TNR: variants seen among roughly 807,000 people sequenced by gnomAD.
TNR encodes the protein tenascin-R.
TNR carries 45 observed loss-of-function variants against 150.4 expected under a neutral mutation model. That is an observed-to-expected ratio of 0.30 (90% CI 0.24 to 0.38). The LOEUF is 0.38. TNR is among the 10% of genes least tolerant of loss of function. TNR has a pLI of 1.00. For missense variants in TNR, 1,544 were observed against 1,759.1 expected, an observed-to-expected ratio of 0.88 and a Z score of 2.19; for synonymous variants, 687 against 678.4, an observed-to-expected ratio of 1.01 and a Z score of -0.20.
intron 2 of TNR, among the ~76,000 whole-genome samples, chr1:175,518,980 C>G (rs1659525121): frequency 6.6e-6 from 1 of 152,158 alleles, no homozygotes. Flanking sequence ...ACATGTAGTC[C>G]AACATCTCCA....
intron 1 of TNR, among the ~76,000 whole-genome samples, chr1:175,610,539 A>G (rs1302256885): frequency 1.3e-5 from 2 of 152,198 alleles, no homozygotes; most frequent in Non-Finnish European, 2.9e-5. Context: ...CCTCCTGGGA[A>G]GCAGCTGGCC....
chr1:175,368,711 AGGCCAAGGCGGGT>A (rs1464914961), intron 9 of TNR, among the ~76,000 whole-genome samples: 1 of 152,210 alleles, frequency 6.6e-6, no homozygotes, highest in Non-Finnish European at 1.5e-5. Flanking sequence ...ACACTTTGGG[AGGCCAAGGCGGGT>A]GGATCATCTG....
intron 1 of TNR, among the ~76,000 whole-genome samples, chr1:175,532,711 T>G (rs930439384): frequency 6.6e-6 from 1 of 152,158 alleles, no homozygotes; most frequent in Admixed American, 6.5e-5. Flanking sequence ...GTCAAGATGT[T>G]GAAGGTTGCA....
chr1:175,698,340 G>C (rs1666590906), intron 1 of TNR, among the ~76,000 whole-genome samples: 1 of 152,214 alleles, frequency 6.6e-6, no homozygotes, highest in Non-Finnish European at 1.5e-5. Context: ...CAAATCGAAA[G>C]GTGACACCGA....
intron 5 of TNR, 126 bp downstream of exon 5, chr1:175,396,418 C>A: frequency 8.1e-7 from 1 of 1,227,472 alleles, no homozygotes; most frequent in South Asian, 1.5e-5. Context: ...TCTAGCCCTT[C>A]CCCTCAAGGG....
At chr1:175,491,198 A>T (rs564001511) in intron 2 of TNR, among the ~76,000 whole-genome samples, 1 of 168 alleles carries the variant, frequency 6.0e-3, no homozygotes, top group Admixed American at 0.05. Context: ...GTGGGGGAAC[A>T]CACACACTGG....
intron 1 of TNR, among the ~76,000 whole-genome samples, chr1:175,632,117 C>G (rs1664346535): frequency 6.6e-6 from 1 of 152,196 alleles, no homozygotes; most frequent in African/African-American, 2.4e-5. Flanking sequence ...CTTCAGGGCC[C>G]ATGTCACCCA....
intron 18 of TNR, among the ~76,000 whole-genome samples, chr1:175,344,067 G>A (rs1650654504): frequency 6.6e-6 from 1 of 152,188 alleles, no homozygotes; most frequent in African/African-American, 2.4e-5. Context: ...GAGTGCACCT[G>A]GGCAAGTGGC....
chr1:175,604,773 G>A lies in TNR; in HGVS notation c.-164-76404C>T, dbSNP rs111719569. On this transcript the variant is annotated intron_variant, in intron 1 of 22. Coordinates refer to ENST00000367674, the MANE Select transcript of TNR (RefSeq NM_003285.3). ...TCCTGTGCACCTCCCATTTATGTGC[G>A]ACAGTCCCTGGGTCCCTAGCGCCCT... Among the ~76,000 whole-genome samples the A allele has an allele frequency of 6.8e-3, 1,036 of 152,238 alleles. 6 individuals carry two copies. The highest frequency in any genetic ancestry group is 0.023 in the African/African-American group (952 of 41,534).
At chr1:175,340,331 C>T (rs1326981317) in intron 18 of TNR, among the ~76,000 whole-genome samples, 2 of 152,148 alleles carry the variant, frequency 1.3e-5, no homozygotes, top group African/African-American at 2.4e-5. Context: ...TTTATAGATT[C>T]CATTTGCTGT....
chr1:175,357,397 G>C (rs1394812540), intron 15 of TNR, among the ~76,000 whole-genome samples: 1 of 152,136 alleles, frequency 6.6e-6, no homozygotes, highest in Non-Finnish European at 1.5e-5. Context: ...TTTCAGAATA[G>C]GTAGGGCTTT....
chr1:175,717,294 G>A (rs1667181095), intron 1 of TNR, among the ~76,000 whole-genome samples: 1 of 152,148 alleles, frequency 6.6e-6, no homozygotes, highest in Admixed American at 6.5e-5. Context: ...AGAGTAGGGA[G>A]GGAGGTAGAG....
Position 175,678,986 on chromosome 1 carries a change from T to A in TNR, c.-165+64240A>T, listed in dbSNP as rs531823618. On this transcript the variant is annotated intron_variant, in intron 1 of 22. Coordinates refer to ENST00000367674, the MANE Select transcript of TNR (RefSeq NM_003285.3). ...TCTGCCCTGCTTCCAAACCTATGTC[T>A]GTCCACACTGCCGGGGAATCTCTGA... Among the ~76,000 whole-genome samples the A allele has an allele frequency of 2.0e-5, 3 of 152,360 alleles. No individual in the cohort carries two copies. The East Asian group carries it at 5.8e-4, about 29-fold the overall frequency.
At chr1:175,407,207 C>T (rs1027574158) in intron 2 of TNR, among the ~76,000 whole-genome samples, 1 of 152,148 alleles carries the variant, frequency 6.6e-6, no homozygotes, top group Admixed American at 6.5e-5. Context: ...TGCAAAGGGA[C>T]TCTGCCAGCC....
rs564175173 is a variant in TNR, at chr1:175,655,153, G to C, written c.-165+88073C>G. ...GTTGCTACTGAGGCCTTGCAGGGTG[G>C]GGATGGTGGCTTGTTCACTGTTACA... On this transcript the variant is annotated intron_variant, in intron 1 of 22. Coordinates refer to ENST00000367674, the MANE Select transcript of TNR (RefSeq NM_003285.3). Among the ~76,000 whole-genome samples, 4 of 152,230 alleles carry C rather than the reference G, an allele frequency of 2.6e-5. No individual in the cohort carries two copies. In the South Asian group the frequency reaches 8.3e-4, roughly 32 times the overall value.
chr1:175,544,779 A>AT (rs1660622268), intron 1 of TNR, among the ~76,000 whole-genome samples: 1 of 152,058 alleles, frequency 6.6e-6, no homozygotes, highest in Non-Finnish European at 1.5e-5. Flanking sequence ...GTGTGGTATT[A>AT]TTTTTTCCCT....
At position 175,316,036 on chromosome 1, in the gene TNR, A is replaced by C. The variant is rs1301642105; in HGVS notation, c.*7321T>G. On this transcript the variant is annotated 3_prime_UTR_variant, in exon 23 of 23. Coordinates refer to ENST00000367674, the MANE Select transcript of TNR (RefSeq NM_003285.3). ...GCACAGGTGTCACTGCTGCCCAAGC[A>C]GCCCCCACACTGGAATGGAACCAGT... 1 of 152,232 alleles carries C rather than the reference A, an allele frequency of 6.6e-6. No individual in the cohort carries two copies. Among genetic ancestry groups the C allele is most frequent in the Non-Finnish European group, 1.5e-5 (1 of 68,042 alleles). 9.4% of individuals were successfully genotyped at this position (152,232 alleles called of 1,614,324 possible).
At position 175,491,856 on chromosome 1, in the gene TNR, A is replaced by C. The variant is rs947632879; in HGVS notation, c.-64+36413T>G. Among the ~76,000 whole-genome samples the C allele has an allele frequency of 2.6e-5, 4 of 151,946 alleles. No homozygotes were observed. The South Asian group carries it at 8.3e-4, about 32-fold the overall frequency. ...AGTAGAGACGGGGTTTCACTGTGTT[A>C]GCCAGGATGGTCTCGATCTCCTGAC... On this transcript the variant is annotated intron_variant, in intron 2 of 22. Transcript: ENST00000367674.
At chr1:175,555,616 A>G (rs577776671) in intron 1 of TNR, among the ~76,000 whole-genome samples, 2 of 152,204 alleles carry the variant, frequency 1.3e-5, no homozygotes, top group East Asian at 3.9e-4. Flanking sequence ...ACTGAAACAC[A>G]CCATGAGCTA....
Sources: allele counts gnomAD v4.1 joint callset (sites outside exome capture counted in the v4.1 genomes callset), GRCh38; gene constraint gnomAD v4.1.1; transcripts MANE v1.5; gene names NCBI Gene and HGNC (gene_info 2026-07-23, HGNC 2026-07-21).